The following C1orf185 variants were observed in gnomAD, a reference collection of about 807,000 sequenced individuals.
C1orf185 encodes the protein chromosome 1 open reading frame 185.
C1orf185 carries 13 observed loss-of-function variants against 16.1 expected under a neutral mutation model. The ratio of observed to expected loss-of-function variants is 0.81; its 90% confidence interval spans 0.53 to 1.28. C1orf185 has a LOEUF of 1.28. C1orf185 is among the 50% of genes most tolerant of loss of function. The probability of loss-of-function intolerance (pLI) is 0.00; values close to 1 mark genes in which losing one functional copy is unlikely to be tolerated. For missense variants in C1orf185, 220 were observed against 225.2 expected (o/e 0.98, Z 0.15); for synonymous variants, 80 against 76.9 (o/e 1.04, Z -0.21).
chr1:51,116,566 G>A (rs774599588), intron 2 of C1orf185, among the ~76,000 whole-genome samples: 1 of 151,776 alleles, frequency 6.6e-6, no homozygotes, highest in Non-Finnish European at 1.5e-5. Context: ...CGCCCTCCTC[G>A]GCCTCCCAAA....
chr1:51,133,910 T>G (rs1388916305), intron 3 of C1orf185, among the ~76,000 whole-genome samples: 1 of 152,164 alleles, frequency 6.6e-6, no homozygotes, highest in East Asian at 1.9e-4. Flanking sequence ...GGTGAAACCC[T>G]GTCTCTATTA....
chr1:51,123,404 T>A (rs926150831), intron 3 of C1orf185, among the ~76,000 whole-genome samples: 1 of 152,244 alleles, frequency 6.6e-6, no homozygotes, highest in Non-Finnish European at 1.5e-5. Flanking sequence ...AGTTTATTTA[T>A]CCATTCACCT....
intron 1 of C1orf185, 139 bp downstream of exon 1, chr1:51,102,388 C>T: frequency 2.0e-6 from 1 of 490,218 alleles, no homozygotes; most frequent in South Asian, 3.5e-5. Context: ...CATGGGTATA[C>T]AGTAGAAATT....
At chr1:51,127,474 C>T (rs951936755) in intron 3 of C1orf185, among the ~76,000 whole-genome samples, 1 of 151,996 alleles carries the variant, frequency 6.6e-6, no homozygotes, top group East Asian at 1.9e-4. Context: ...TTTAGTAGGA[C>T]AGGGTTTCAC....
In C1orf185 at chr1:51,147,466, G is replaced by A. The variant is rs1327779063; in HGVS notation, c.296-1G>A. ...TATTCATAGTAAATCTGTTTTTACAGCAATTAAAGATCATTCTAAAGATGA... is the reference window on the plus strand; with the variant it reads ...TATTCATAGTAAATCTGTTTTTACAACAATTAAAGATCATTCTAAAGATGA... On this transcript the variant is annotated splice_acceptor_variant, in intron 4 of 4. Coordinates refer to ENST00000371759, the MANE Select transcript of C1orf185 (RefSeq NM_001136508.2). LOFTEE classifies it high-confidence loss of function. 1 of 1,512,972 alleles carries A rather than the reference G, an allele frequency of 6.6e-7. No individual in the cohort carries two copies. Among genetic ancestry groups the A allele is most frequent in the Admixed American group, 2.3e-5 (1 of 42,750 alleles). 93.7% of individuals were successfully genotyped at this position (1,512,972 alleles called of 1,614,324 possible).
At chr1:51,151,266 A>G (rs148902974), downstream of C1orf185, among the ~76,000 whole-genome samples, 29 of 152,338 alleles carry the variant, frequency 1.9e-4, no homozygotes, top group Admixed American at 1.8e-3. Flanking sequence ...GACTTTCCCT[A>G]TTTCTACCAG....
intron 3 of C1orf185, among the ~76,000 whole-genome samples, chr1:51,121,996 A>G (rs1646200834): frequency 6.6e-6 from 1 of 152,168 alleles, no homozygotes; most frequent in African/African-American, 2.4e-5. Context: ...ATGTTATAGA[A>G]TAATATATTA....
intron 3 of C1orf185, among the ~76,000 whole-genome samples, chr1:51,133,342 A>G (rs920314552): frequency 2.0e-5 from 3 of 152,232 alleles, no homozygotes; most frequent in African/African-American, 7.2e-5. Context: ...ACAGGCTCAA[A>G]ATAAAGGAAT....
At chr1:51,107,469 A>G (rs1646082159) in intron 1 of C1orf185, 1 of 152,232 alleles carries the variant, frequency 6.6e-6, no homozygotes. Context: ...ATACTTTTTA[A>G]ATATTTAATT....
chr1:51,138,900 C>A (rs1381437586), intron 3 of C1orf185, among the ~76,000 whole-genome samples: 1 of 152,004 alleles, frequency 6.6e-6, no homozygotes, highest in Non-Finnish European at 1.5e-5. Flanking sequence ...GTTGACCAGG[C>A]TGATCTTGAA....
chr1:51,147,505 A>G lies in C1orf185; in HGVS notation c.334A>G (p.Thr112Ala). ...TTCTAAAGATGAACCCCAACTTGCA[A>G]CAAAAAATATCATTTGTGATCCCTC... The part of the protein sequence containing the change: ...DHSKDEPQLA[T>A]KNIICDPSET... The change falls in exon 5 of 5, where the codon ACA becomes GCA. Residue 112 changes from threonine to alanine, a missense_variant. Coordinates refer to ENST00000371759, the MANE Select transcript of C1orf185 (RefSeq NM_001136508.2). 1.3e-6 allele frequency: 2 copies of G among 1,544,076 alleles called. No homozygotes were observed. The highest frequency in any genetic ancestry group is 8.7e-7 in the Non-Finnish European group (1 of 1,144,532).
intron 2 of C1orf185, among the ~76,000 whole-genome samples, chr1:51,116,589 C>G (rs1242587853): frequency 6.6e-6 from 1 of 152,148 alleles, no homozygotes; most frequent in Non-Finnish European, 1.5e-5. Context: ...GCTGGGATTA[C>G]AAGCGTGAAC....
intron 3 of C1orf185, among the ~76,000 whole-genome samples, chr1:51,136,276 T>A (rs1646323060): frequency 6.6e-6 from 1 of 152,094 alleles, no homozygotes; most frequent in South Asian, 2.1e-4. Flanking sequence ...TAAACTATTA[T>A]TGACATTCTT....
chr1:51,112,966 C>G (rs1379229811), intron 2 of C1orf185, among the ~76,000 whole-genome samples: 1 of 151,930 alleles, frequency 6.6e-6, no homozygotes, highest in East Asian at 1.9e-4. Flanking sequence ...ATTACAGGTT[C>G]GCACCACGAC....
chr1:51,119,743 T>C (rs1442526095), intron 3 of C1orf185, among the ~76,000 whole-genome samples: 1 of 152,192 alleles, frequency 6.6e-6, no homozygotes, highest in African/African-American at 2.4e-5. Context: ...GAAGTTGCAG[T>C]GAGCTATGAC....
At chr1:51,111,389 T>TTTTTTTTTTTTTTTG (rs1646118842) in intron 1 of C1orf185, among the ~76,000 whole-genome samples, 1 of 149,654 alleles carries the variant, frequency 6.7e-6, no homozygotes, top group Non-Finnish European at 1.5e-5. Flanking sequence ...TTTTTTTTTT[T>TTTTTTTTTTTTTTTG]GAGAGACAGG....
At chr1:51,135,142 T>G (rs190479638) in intron 3 of C1orf185, among the ~76,000 whole-genome samples, 64 of 152,316 alleles carry the variant, frequency 4.2e-4, no homozygotes, top group Admixed American at 7.2e-4. Flanking sequence ...TGAGAAAGCT[T>G]ATTCACCATG....
chr1:51,122,415 A>G (rs1036619823), intron 3 of C1orf185, among the ~76,000 whole-genome samples: 1 of 152,174 alleles, frequency 6.6e-6, no homozygotes, highest in Non-Finnish European at 1.5e-5. Flanking sequence ...ATGGATGTGT[A>G]ACAGTATCTA....
At chr1:51,114,024 G>C (rs1240793309) in intron 2 of C1orf185, among the ~76,000 whole-genome samples, 3 of 152,226 alleles carry the variant, frequency 2.0e-5, no homozygotes, top group Admixed American at 2.0e-4. Flanking sequence ...TACTAAGGTA[G>C]GTTGTATTTA....
Sources: allele counts gnomAD v4.1 joint callset (sites outside exome capture counted in the v4.1 genomes callset), GRCh38; gene constraint gnomAD v4.1.1; transcripts MANE v1.5; gene names NCBI Gene and HGNC (gene_info 2026-07-23, HGNC 2026-07-21).